Variants in GMDS observed in about 807,000 individuals in gnomAD.
GMDS encodes GDP-mannose 4,6-dehydratase.
GMDS carries 20 observed loss-of-function variants against 49.9 expected under a neutral mutation model. The ratio of observed to expected loss-of-function variants is 0.40; its 90% CI spans 0.28 to 0.58. The LOEUF (loss-of-function observed/expected upper bound fraction) is 0.58, where lower values mean the gene tolerates loss of function less well. Among genes scored for constraint, GMDS ranks in the 20% least tolerant of loss-of-function variants. GMDS has a pLI of 0.42. For synonymous variants in GMDS, 177 were observed against 178.6 expected (o/e 0.99, Z 0.07); for missense variants, 362 against 481.4 (o/e 0.75, Z 2.32).
chr6:2,069,336 C>T (rs912155944), intron 4 of GMDS, among the ~76,000 whole-genome samples: 10 of 152,146 alleles, frequency 6.6e-5, no homozygotes, highest in African/African-American at 2.4e-4. Flanking sequence ...CTAGGCTTTA[C>T]CATTCAGGAC....
intron 4 of GMDS, among the ~76,000 whole-genome samples, chr6:2,081,512 T>G (rs1261837072): frequency 6.6e-6 from 1 of 152,080 alleles, no homozygotes. Flanking sequence ...AGCCCTTCCA[T>G]CACCTCATCA....
At chr6:2,051,852 C>T (rs935844097) in intron 4 of GMDS, among the ~76,000 whole-genome samples, 5 of 152,132 alleles carry the variant, frequency 3.3e-5, no homozygotes, top group African/African-American at 4.8e-5. Context: ...GGTGCAGTGG[C>T]TCACGCCTGT....
chr6:2,030,592 G>A (rs1768892199), intron 4 of GMDS, among the ~76,000 whole-genome samples: 1 of 152,132 alleles, frequency 6.6e-6, no homozygotes, highest in Admixed American at 6.6e-5. Context: ...AATGACCTCT[G>A]GGGATGAATG....
chr6:2,010,552 ACACT>A (rs1767497344), intron 4 of GMDS, among the ~76,000 whole-genome samples: 2 of 152,170 alleles, frequency 1.3e-5, no homozygotes, highest in African/African-American at 2.4e-5. Context: ...TATGAAAATA[ACACT>A]CAATAAGGTA....
At chr6:2,150,931 T>G (rs939711983) in intron 1 of GMDS, among the ~76,000 whole-genome samples, 1 of 152,180 alleles carries the variant, frequency 6.6e-6, no homozygotes, top group Non-Finnish European at 1.5e-5. Flanking sequence ...GAATGAAATA[T>G]GATTAGACTG....
chr6:2,148,101 C>T (rs1776662239), intron 1 of GMDS, among the ~76,000 whole-genome samples: 1 of 151,984 alleles, frequency 6.6e-6, no homozygotes, highest in Non-Finnish European at 1.5e-5. Context: ...TTTTACTATT[C>T]CTGGAAACAC....
chr6:2,123,012 T>C (rs1173598864), intron 2 of GMDS, among the ~76,000 whole-genome samples: 3 of 152,258 alleles, frequency 2.0e-5, no homozygotes, highest in East Asian at 3.8e-4. Flanking sequence ...GCAGCTTATC[T>C]GGCAGTCCTA....
intron 4 of GMDS, among the ~76,000 whole-genome samples, chr6:1,978,275 C>G (rs868415725): frequency 3.3e-5 from 5 of 152,126 alleles, no homozygotes; most frequent in Non-Finnish European, 7.4e-5. Flanking sequence ...CCTCACTGGA[C>G]GGGACCTACC....
chr6:2,242,176 A>G (rs1178110098), intron 1 of GMDS, among the ~76,000 whole-genome samples: 1 of 152,238 alleles, frequency 6.6e-6, no homozygotes, highest in African/African-American at 2.4e-5. Flanking sequence ...CTTAAAAGGA[A>G]TAAGAATTGT....
chr6:2,217,507 CT>C (rs1780395367), intron 1 of GMDS, among the ~76,000 whole-genome samples: 1 of 152,106 alleles, frequency 6.6e-6, no homozygotes, highest in Non-Finnish European at 1.5e-5. Context: ...CATTAACTTG[CT>C]TTTGAACTAA....
At chr6:1,868,284 C>T (rs1758540324) in intron 7 of GMDS, among the ~76,000 whole-genome samples, 1 of 152,132 alleles carries the variant, frequency 6.6e-6, no homozygotes, top group Admixed American at 6.5e-5. Context: ...CGCACCCGGC[C>T]CTCAACAGCT....
intron 4 of GMDS, among the ~76,000 whole-genome samples, chr6:2,047,684 T>C (rs972341681): frequency 6.6e-6 from 1 of 152,062 alleles, no homozygotes; most frequent in Non-Finnish European, 1.5e-5. Flanking sequence ...AGATGGGGTC[T>C]CGCCATGTTA....
At chr6:1,965,133 TATGTGTGC>T (rs1764193798) in intron 4 of GMDS, among the ~76,000 whole-genome samples, 1 of 152,146 alleles carries the variant, frequency 6.6e-6, no homozygotes, top group East Asian at 1.9e-4. Flanking sequence ...GCAATAAACA[TATGTGTGC>T]ATGTGTCTTT....
intron 6 of GMDS, among the ~76,000 whole-genome samples, chr6:1,935,444 A>G (rs1762480835): frequency 6.6e-6 from 1 of 152,222 alleles, no homozygotes; most frequent in Admixed American, 6.5e-5. Context: ...ACTGTTAGAC[A>G]TTATTATAAT....
In GMDS at chr6:1,873,189, A is replaced by C. The variant is rs1758862762; in HGVS notation, c.771+56914T>G. On this transcript the variant is annotated intron_variant, in intron 7 of 10. Coordinates refer to ENST00000380815, the MANE Select transcript of GMDS (RefSeq NM_001500.4). ...GGCTGTTGGTAGAATTAACGAACTA[A>C]ATGTTAGCAAAATGCTTTGAAGAGA... 2.0e-5 allele frequency among the ~76,000 whole-genome samples: 3 copies of C among 152,358 alleles called. No individual in the cohort carries two copies. The South Asian group carries it at 6.2e-4, about 32-fold the overall frequency.
intron 7 of GMDS, among the ~76,000 whole-genome samples, chr6:1,764,809 A>C (rs1373015872): frequency 6.6e-6 from 1 of 152,214 alleles, no homozygotes; most frequent in African/African-American, 2.4e-5. Context: ...TTCCTTGCCC[A>C]AAATCGTTTG....
chr6:2,003,170 A>T (rs1389968455), intron 4 of GMDS, among the ~76,000 whole-genome samples: 1 of 152,166 alleles, frequency 6.6e-6, no homozygotes, highest in Non-Finnish European at 1.5e-5. Context: ...CTCCTTAGTC[A>T]TAATTAATCT....
chr6:2,124,053 T>C (rs937110060), intron 2 of GMDS, among the ~76,000 whole-genome samples: 5 of 151,712 alleles, frequency 3.3e-5, no homozygotes, highest in African/African-American at 9.7e-5. Context: ...TTTTTTTTTT[T>C]CTGTATAGCA....
intron 4 of GMDS, among the ~76,000 whole-genome samples, chr6:2,038,465 A>C (rs1769436722): frequency 1.3e-5 from 2 of 152,072 alleles, no homozygotes; most frequent in Non-Finnish European, 2.9e-5. Context: ...CCTGGTCCCC[A>C]CCTCCACTGG....
Sources: allele counts gnomAD v4.1 joint callset (sites outside exome capture counted in the v4.1 genomes callset), GRCh38; gene constraint gnomAD v4.1.1; transcripts MANE v1.5; gene names NCBI Gene and HGNC (gene_info 2026-07-23, HGNC 2026-07-21).